The following NSMAF variants were observed in gnomAD, a reference collection of about 807,000 sequenced individuals.
The protein encoded by NSMAF is neutral sphingomyelinase activation associated factor, also known as protein FAN.
A neutral mutation model predicts 134.9 loss-of-function variants in NSMAF; 90 were observed. That is an observed-to-expected ratio of 0.67 (90% CI 0.56 to 0.79). NSMAF has a LOEUF of 0.79. Ranked by LOEUF, NSMAF falls within the 30% of genes least tolerant of loss-of-function variation. The pLI is 0.00. For synonymous variants in NSMAF, 358 were observed against 389.6 expected (o/e 0.92, Z 0.96); for missense variants, 1,010 against 1,119.0 (o/e 0.90, Z 1.39).
chr8:58,653,054 C>T (rs1358583877), intron 1 of NSMAF, among the ~76,000 whole-genome samples: 4 of 152,058 alleles, frequency 2.6e-5, no homozygotes, highest in African/African-American at 9.7e-5. Context: ...ATAAAAAATA[C>T]CGGACAATAA....
chr8:58,643,188 T>A (rs1022013160), intron 1 of NSMAF, 115 bp from the exon 2 acceptor site: 6 of 760,302 alleles, frequency 7.9e-6, no homozygotes. Context: ...TTAACAAACA[T>A]TTATGAAGCA....
chr8:58,613,006 ATCT>A (rs1295935191), intron 9 of NSMAF, among the ~76,000 whole-genome samples: 1 of 152,164 alleles, frequency 6.6e-6, no homozygotes, highest in Non-Finnish European at 1.5e-5. Context: ...TAAAATAAAT[ATCT>A]TCTTCTTAGA....
intron 1 of NSMAF, among the ~76,000 whole-genome samples, chr8:58,658,009 G>A (rs1807759680): frequency 6.6e-6 from 1 of 152,142 alleles, no homozygotes; most frequent in Non-Finnish European, 1.5e-5. Context: ...TTACTTCATC[G>A]AAATAACAGC....
Position 58,599,246 on chromosome 8 carries a change from A to T in NSMAF, c.1571T>A (p.Val524Asp), listed in dbSNP as rs753128817. 1 of 1,613,626 alleles carries T rather than the reference A, an allele frequency of 6.2e-7. No individual in the cohort carries two copies. Among genetic ancestry groups the T allele is most frequent in the South Asian group, 1.1e-5 (1 of 91,036 alleles). Residue 524 changes from valine (V) to aspartate (D), a missense_variant, in exon 19 of 31, where the codon GTT becomes GAT. By Grantham distance (152) the Val-to-Asp change is radical. Transcript: ENST00000038176. ...ATATTACATACCATTATGGGCCCCAACTGCATCACTCCCTTTTTGTTTGTA... is the reference window on the plus strand; with the variant it reads ...ATATTACATACCATTATGGGCCCCATCTGCATCACTCCCTTTTTGTTTGTA... Reference protein sequence around the residue: ...FGYKQKGSDAVGAHNVFHPLT... With the variant: ...FGYKQKGSDADGAHNVFHPLT...
intron 1 of NSMAF, among the ~76,000 whole-genome samples, chr8:58,643,646 C>T (rs1807383361): frequency 6.6e-6 from 1 of 152,110 alleles, no homozygotes. Flanking sequence ...ATTCTCCTGC[C>T]TCAGCCTCCC....
chr8:58,589,201 AT>A (rs1198484193), intron 26 of NSMAF, among the ~76,000 whole-genome samples: 1 of 147,692 alleles, frequency 6.8e-6, no homozygotes, highest in Non-Finnish European at 1.5e-5. Flanking sequence ...TATAACAGAT[AT>A]TATATTTTAA....
intron 21 of NSMAF, among the ~76,000 whole-genome samples, chr8:58,596,868 T>C (rs559383666): frequency 1.3e-5 from 2 of 151,466 alleles, no homozygotes; most frequent in East Asian, 3.9e-4. Context: ...GAGGCGGAGC[T>C]TGCAGTGAGC....
intron 9 of NSMAF, among the ~76,000 whole-genome samples, chr8:58,613,920 C>T (rs1487539949): frequency 2.6e-5 from 4 of 152,104 alleles, no homozygotes; most frequent in African/African-American, 9.7e-5. Flanking sequence ...TTTTTGAGTG[C>T]ATTTCGGACT....
Position 58,659,709 on chromosome 8 carries a change from G to T in NSMAF, c.-78C>A. On this transcript the variant is annotated 5_prime_UTR_variant, in exon 1 of 31. Coordinates refer to ENST00000038176, the MANE Select transcript of NSMAF (RefSeq NM_003580.4). ...TGCCGAGGAGGTCCGGAGGAGCCGGGGAGGGCGGGATTGGTGGCCGGCTGG... is the reference window on the plus strand; with the variant it reads ...TGCCGAGGAGGTCCGGAGGAGCCGGTGAGGGCGGGATTGGTGGCCGGCTGG... 1 of 1,204,470 alleles carries T rather than the reference G, an allele frequency of 8.3e-7. No individual in the cohort carries two copies. The highest frequency in any genetic ancestry group is 1.1e-6 in the Non-Finnish European group (1 of 934,864). The allele number at this position is 1,204,470 out of a possible 1,614,324, so 74.6% of individuals were successfully genotyped here.
At chr8:58,598,237 G>A (rs1009284226) in intron 19 of NSMAF, among the ~76,000 whole-genome samples, 1 of 152,030 alleles carries the variant, frequency 6.6e-6, no homozygotes, top group African/African-American at 2.4e-5. Flanking sequence ...GAACATGGGC[G>A]ATATGGATTA....
At chr8:58,650,143 G>A (rs1317925502) in intron 1 of NSMAF, among the ~76,000 whole-genome samples, 1 of 152,178 alleles carries the variant, frequency 6.6e-6, no homozygotes. Flanking sequence ...CTTTCAGTCT[G>A]AAGATTAGTA....
Position 58,603,253 on chromosome 8 carries a change from AGGGTACTGGGAGAGGTC to A in NSMAF, c.985_1001del (p.Asp329CysfsTer8). ...AATCATGTATTATCCATGGAAACAC[AGGGTACTGGGAGAGGTC>A]GTTGCAGCTGCGGTCGGCCAGGTTG... On this transcript the variant is annotated frameshift_variant, in exon 13 of 31. Transcript: ENST00000038176. LOFTEE classifies it high-confidence loss of function. 6.2e-7 allele frequency: 1 copy of A among 1,614,190 alleles called. No homozygotes were observed. The highest frequency in any genetic ancestry group is 1.1e-5 in the South Asian group (1 of 91,090).
chr8:58,601,555 A>G lies in NSMAF; in HGVS notation c.1126-20T>C, dbSNP rs374800972. 7 of 1,576,734 alleles carry G rather than the reference A, an allele frequency of 4.4e-6. No individual in the cohort carries two copies. The African/African-American group carries it at 9.7e-5, about 22-fold the overall frequency. On this transcript the variant is annotated intron_variant, in intron 14 of 30. Coordinates refer to ENST00000038176, the MANE Select transcript of NSMAF (RefSeq NM_003580.4). ...GCGTGTCTAGAATACAGAAAAAAAA[A>G]AAAAATAGAGCTAAGTGTTGGCTAT... is the stretch of plus-strand genomic sequence containing the variant.
intron 2 of NSMAF, among the ~76,000 whole-genome samples, chr8:58,638,960 C>A (rs1807265711): frequency 6.6e-6 from 1 of 152,092 alleles, no homozygotes; most frequent in Non-Finnish European, 1.5e-5. Flanking sequence ...AAAAGACAGG[C>A]AGAGGACCTG....
At chr8:58,659,071 A>C in intron 1 of NSMAF, 2 of 732,108 alleles carry the variant, frequency 2.7e-6, no homozygotes, top group Non-Finnish European at 4.1e-6. Context: ...CGGCAATGCG[A>C]GTGGGTGGTC....
chr8:58,601,160 T>A (rs1006828345), intron 16 of NSMAF, 125 bp downstream of exon 16: 2 of 791,148 alleles, frequency 2.5e-6, no homozygotes, highest in Admixed American at 2.2e-5. Context: ...GAGGAATAGA[T>A]AGAACAATTA....
At position 58,597,867 on chromosome 8, in the gene NSMAF, A is replaced by T; in HGVS notation, c.1621T>A (p.Leu541Met). ...HPLTYEGGVD[L>M]NSIQDPDEKV... ...TTATTGACATATAAGTACCTGTTCA[A>T]GTCTACACCTCCTTCATAGGTCAGG... is the stretch of plus-strand genomic sequence containing the variant. The change falls in exon 20 of 31, where the codon TTG (leucine) becomes ATG (methionine). Residue 541 changes from leucine to methionine, a missense_variant. Transcript: ENST00000038176. 1 of 1,602,082 alleles carries T rather than the reference A, an allele frequency of 6.2e-7. No individual in the cohort carries two copies.
chr8:58,633,190 G>A (rs557149308), intron 5 of NSMAF, among the ~76,000 whole-genome samples: 20 of 152,256 alleles, frequency 1.3e-4, no homozygotes, highest in South Asian at 8.3e-4. Flanking sequence ...ACAAGGCCCC[G>A]CATGACACGG....
intron 1 of NSMAF, among the ~76,000 whole-genome samples, chr8:58,645,113 T>TAAA (rs11337086): frequency 1.5e-5 from 2 of 130,790 alleles, no homozygotes; most frequent in African/African-American, 5.6e-5. Context: ...AAAGTATAAT[T>TAAA]AAAAAAAAAA....
Sources: gnomAD v4.1 joint callset for allele counts (sites outside exome capture counted in the v4.1 genomes callset) on GRCh38, gnomAD v4.1.1 for gene constraint, MANE v1.5 for transcripts, NCBI Gene and HGNC (gene_info 2026-07-23, HGNC 2026-07-21) for gene names.